Variants in SZRD1 observed in about 807,000 individuals in gnomAD.
The protein encoded by SZRD1 is SUZ RNA-binding domain-containing.
Under a neutral mutation model 17.6 loss-of-function variants are expected in SZRD1, and 7 were observed. The ratio of observed to expected loss-of-function variants is 0.40; its 90% CI spans 0.23 to 0.75. The LOEUF (loss-of-function observed/expected upper bound fraction) is 0.75, where lower values mean the gene tolerates loss of function less well. Ranked by LOEUF, SZRD1 falls within the 30% of genes least tolerant of loss-of-function variation. The pLI is 0.38. For synonymous variants in SZRD1, 77 were observed against 77.9 expected (o/e 0.99, Z 0.06); for missense variants, 178 against 201.8 (o/e 0.88, Z 0.71).
Position 16,384,583 on chromosome 1 carries a change from G to A in SZRD1, c.52-6792G>A, listed in dbSNP as rs563373227. 2.6e-5 allele frequency among the ~76,000 whole-genome samples: 4 copies of A among 152,250 alleles called. No individual in the cohort carries two copies. The South Asian group carries it at 6.2e-4, about 24-fold the overall frequency. On this transcript the variant is annotated intron_variant, in intron 1 of 3. Transcript: ENST00000401088. The stretch of plus-strand genomic sequence containing the variant: ...ATGGGAAACAAGACCCCTTGCAGGG[G>A]AGACTGGTCCACCAGGAGACCCTGT...
intron 1 of SZRD1, among the ~76,000 whole-genome samples, chr1:16,389,290 A>C: frequency 6.8e-6 from 1 of 146,672 alleles, no homozygotes; most frequent in Admixed American, 6.9e-5. Flanking sequence ...GGGGGGGCAG[A>C]GTCTTGCTCT....
chr1:16,382,370 T>G (rs1205291051), intron 1 of SZRD1, among the ~76,000 whole-genome samples: 2 of 151,582 alleles, frequency 1.3e-5, no homozygotes, highest in African/African-American at 4.9e-5. Context: ...ATGTTTTTAG[T>G]AGAAATAGGG....
At chr1:16,389,685 T>G (rs2100742919) in intron 1 of SZRD1, among the ~76,000 whole-genome samples, 1 of 152,222 alleles carries the variant, frequency 6.6e-6, no homozygotes, top group Non-Finnish European at 1.5e-5. Context: ...GCCCTCGTGA[T>G]CCGCCCGCCT....
intron 1 of SZRD1, among the ~76,000 whole-genome samples, chr1:16,386,275 A>G (rs972226370): frequency 3.3e-5 from 5 of 152,224 alleles, no homozygotes; most frequent in Admixed American, 2.0e-4. Flanking sequence ...TTGACTAGCG[A>G]TGGAGGTCAG....
intron 1 of SZRD1, among the ~76,000 whole-genome samples, chr1:16,380,913 C>CTTT (rs573976466): frequency 7.7e-5 from 11 of 143,396 alleles, no homozygotes; most frequent in Non-Finnish European, 1.4e-4. Flanking sequence ...AGCCCCTCAT[C>CTTT]TTTTTTTTTT....
rs2085250980 is a variant in SZRD1, at chr1:16,393,506, C to G, written c.356+24C>G. On this transcript the variant is annotated intron_variant, in intron 3 of 3. Transcript: ENST00000401088. This position sits in a 1 kb window ranked among gnomAD's most constrained non-coding sequence, Gnocchi z 5.6. ...AGGTGAGTGTGGCTGGCAGGGCCGG[C>G]CAGTGATGGCTGTCCCAGTCCACCC... The G allele has an allele frequency of 6.3e-7, 1 of 1,585,912 alleles. No homozygotes were observed. The highest frequency in any genetic ancestry group is 8.6e-7 in the Non-Finnish European group (1 of 1,168,286).
intron 1 of SZRD1, among the ~76,000 whole-genome samples, chr1:16,373,032 G>C (rs2082939797): frequency 6.6e-6 from 1 of 151,074 alleles, no homozygotes; most frequent in Admixed American, 6.6e-5. Context: ...AAGCAGGCAT[G>C]GATGAGGAGG....
intron 1 of SZRD1, among the ~76,000 whole-genome samples, chr1:16,376,817 A>C (rs145260121): frequency 6.0e-4 from 90 of 151,084 alleles, no homozygotes; most frequent in African/African-American, 2.2e-3. Flanking sequence ...AAAAAAAAAA[A>C]AAAAAAACGT....
intron 1 of SZRD1, among the ~76,000 whole-genome samples, chr1:16,381,667 C>T (rs2083107125): frequency 6.6e-6 from 1 of 152,074 alleles, no homozygotes; most frequent in Non-Finnish European, 1.5e-5. Flanking sequence ...TGCGGTGGCT[C>T]ACCCATGTAA....
intron 1 of SZRD1, among the ~76,000 whole-genome samples, chr1:16,375,929 A>G (rs1157648329): frequency 6.6e-6 from 1 of 152,102 alleles, no homozygotes; most frequent in Non-Finnish European, 1.5e-5. Context: ...GACCTTCCAT[A>G]TGTCAGTAGT....
chr1:16,386,753 G>A (rs905140628), intron 1 of SZRD1, among the ~76,000 whole-genome samples: 23 of 152,120 alleles, frequency 1.5e-4, no homozygotes, highest in Non-Finnish European at 2.6e-4. Context: ...TAATCTTATG[G>A]AAGAATCCCT....
At chr1:16,379,698 C>G (rs1486912595) in intron 1 of SZRD1, among the ~76,000 whole-genome samples, 1 of 151,734 alleles carries the variant, frequency 6.6e-6, no homozygotes, top group Non-Finnish European at 1.5e-5. Flanking sequence ...TATAACCTAT[C>G]TGAATTGATT....
At chr1:16,387,617 C>T (rs1373929939) in intron 1 of SZRD1, 2 of 456,548 alleles carry the variant, frequency 4.4e-6, no homozygotes, top group East Asian at 6.9e-5. Context: ...AGTTTGGCTG[C>T]TTGCCTGGTC....
intron 1 of SZRD1, among the ~76,000 whole-genome samples, chr1:16,379,861 A>G (rs1433741695): frequency 2.7e-5 from 4 of 150,930 alleles, no homozygotes. Flanking sequence ...CTCGGGTTCA[A>G]GCAATTCTCC....
chr1:16,386,193 G>A (rs1288242499), intron 1 of SZRD1, among the ~76,000 whole-genome samples: 7 of 152,218 alleles, frequency 4.6e-5, no homozygotes, highest in Admixed American at 2.6e-4. Flanking sequence ...CCTGGCCACC[G>A]CCCTGTGTGG....
rs2085340724 is a variant in SZRD1 at position 16,397,960 on chromosome 1, G to A, written c.*2820G>A. 1 of 634,670 alleles carries A rather than the reference G, an allele frequency of 1.6e-6. No homozygotes were observed. The highest frequency in any genetic ancestry group is 2.0e-6 in the Non-Finnish European group (1 of 509,742). 39.3% of individuals were successfully genotyped at this position (634,670 alleles called of 1,614,324 possible). A position where few individuals can be genotyped will look rare whatever the true frequency, so the allele number is the denominator to read the frequency against. Reference sequence around the variant, plus strand: ...GTTTTCTGGTCGTGTGATCCCAGGGGTGCACATGGGCCCCTTGGGTGTCTG... The same window carrying A: ...GTTTTCTGGTCGTGTGATCCCAGGGATGCACATGGGCCCCTTGGGTGTCTG... On this transcript the variant is annotated 3_prime_UTR_variant, in exon 4 of 4. Transcript: ENST00000401088. This position sits in a 1 kb window ranked among gnomAD's most constrained non-coding sequence, Gnocchi z 5.4.
chr1:16,378,113 C>T (rs1197225178), intron 1 of SZRD1, among the ~76,000 whole-genome samples: 1 of 152,076 alleles, frequency 6.6e-6, no homozygotes, highest in Non-Finnish European at 1.5e-5. Flanking sequence ...CCGTTACTTT[C>T]AGGTATAGGG....
intron 1 of SZRD1, among the ~76,000 whole-genome samples, chr1:16,378,132 A>T (rs2083034157): frequency 6.6e-6 from 1 of 152,146 alleles, no homozygotes; most frequent in African/African-American, 2.4e-5. Context: ...GGCTGAGTGT[A>T]TCCCTCCGGC....
intron 1 of SZRD1, among the ~76,000 whole-genome samples, chr1:16,378,539 C>T (rs946603784): frequency 5.3e-5 from 8 of 152,148 alleles, no homozygotes; most frequent in African/African-American, 1.7e-4. Context: ...CCACCCACAT[C>T]GGCCTCGCAA....
Sources: allele counts gnomAD v4.1 joint callset (sites outside exome capture counted in the v4.1 genomes callset), GRCh38; gene constraint gnomAD v4.1.1; non-coding constraint Gnocchi (gnomAD v3.1); transcripts MANE v1.5; gene names NCBI Gene and HGNC (gene_info 2026-07-23, HGNC 2026-07-21).